The following COQ2 variants were observed in gnomAD, a reference collection of about 807,000 sequenced individuals.
COQ2 encodes the protein 4-hydroxybenzoate polyprenyltransferase, mitochondrial.
In COQ2, 25 loss-of-function variants were observed where a neutral mutation model predicts 35.7. The observed-to-expected ratio is 0.70, with a 90% CI of 0.51 to 0.98. The LOEUF (loss-of-function observed/expected upper bound fraction) is 0.98. COQ2 is among the 50% of genes least tolerant of loss of function. COQ2 has a pLI of 0.00. For missense variants in COQ2, 488 were observed against 473.5 expected, an observed-to-expected ratio of 1.03 and a Z score of -0.28; for synonymous variants, 206 against 186.2, an observed-to-expected ratio of 1.11 and a Z score of -0.86.
At chr4:83,279,411 T>C (rs563973351) in intron 1 of COQ2, among the ~76,000 whole-genome samples, 7 of 152,210 alleles carry the variant, frequency 4.6e-5, no homozygotes, top group Admixed American at 3.3e-4. Context: ...GAGAAACACA[T>C]ATGAAAACTA....
At position 83,284,637 on chromosome 4, in the gene COQ2, A is replaced by C; in HGVS notation, c.128T>G (p.Leu43Trp). 6.7e-7 allele frequency: 1 copy of C among 1,499,718 alleles called. No homozygotes were observed. Among genetic ancestry groups the C allele is most frequent in the Non-Finnish European group, 8.9e-7 (1 of 1,127,122 alleles). 92.9% of individuals were successfully genotyped at this position (1,499,718 alleles called of 1,614,324 possible). The change falls in exon 1 of 7, where the codon TTG becomes TGG. Residue 43 changes from leucine to tryptophan, a missense_variant. Physicochemically the swap from Leu to Trp is moderately conservative, Grantham distance 61 (BLOSUM62 -2). Transcript: ENST00000647002. ...CGGCTCGGGACAGGCGGGGGGCTGC[A>C]AGTCACCACCGTGGGGCGCGCCTGC... ...RAAGAPHGGD[L>W]QPPACPEPRG...
In COQ2 at chr4:83,270,011, C is replaced by T; in HGVS notation, c.629-18G>A. ...TGTCAAGCCTACAATTAGCAAAACA[C>T]AAAAAGGGGGAAAGTCTGTATGTAC... On this transcript the variant is annotated intron_variant, in intron 4 of 6. Coordinates refer to ENST00000647002, the MANE Select transcript of COQ2 (RefSeq NM_001358921.2). The T allele has an allele frequency of 6.2e-7, 1 of 1,610,638 alleles. No individual in the cohort carries two copies. Among genetic ancestry groups the T allele is most frequent in the Non-Finnish European group, 8.5e-7 (1 of 1,178,862 alleles).
intron 6 of COQ2, among the ~76,000 whole-genome samples, chr4:83,264,973 C>T (rs918400243): frequency 2.0e-5 from 3 of 152,196 alleles, no homozygotes; most frequent in Admixed American, 6.5e-5. Context: ...TATAGTCACC[C>T]CTCCTAGTTT....
At chr4:83,271,400 C>T (rs1735044434) in intron 4 of COQ2, among the ~76,000 whole-genome samples, 1 of 152,206 alleles carries the variant, frequency 6.6e-6, no homozygotes, top group Non-Finnish European at 1.5e-5. Flanking sequence ...TAAGCTATCA[C>T]ATACACTTTA....
At chr4:83,267,938 C>T (rs1009910748) in intron 5 of COQ2, among the ~76,000 whole-genome samples, 164 bp from the exon 6 acceptor site, 2 of 152,122 alleles carry the variant, frequency 1.3e-5, no homozygotes, top group Non-Finnish European at 2.9e-5. Flanking sequence ...AAAGAACATG[C>T]AGATATACCA....
At position 83,273,517 on chromosome 4, in the gene COQ2, A is replaced by C. The variant is rs1735096689; in HGVS notation, c.521T>G (p.Leu174Arg). Reference protein sequence around the residue: ...GGQLTLALGVLLCLNYYSIAL... With the variant: ...GGQLTLALGVRLCLNYYSIAL... ...ATACCTGTAGTAATTTAGACACAGA[A>C]GAACACCCAGTGCCAGGGTTAGCTG... is the stretch of plus-strand genomic sequence containing the variant. The change falls in exon 3 of 7, where the codon CTT (leucine) becomes CGT (arginine). Residue 174 changes from leucine to arginine, a missense_variant. Coordinates refer to ENST00000647002, the MANE Select transcript of COQ2 (RefSeq NM_001358921.2). 1.2e-6 allele frequency: 2 copies of C among 1,613,784 alleles called. No individual in the cohort carries two copies. Among genetic ancestry groups the C allele is most frequent in the Non-Finnish European group, 1.7e-6 (2 of 1,179,744 alleles).
chr4:83,277,976 ACACACAC>A (rs765259756), intron 2 of COQ2, among the ~76,000 whole-genome samples: 1 of 190 alleles, frequency 5.3e-3, no homozygotes, highest in Non-Finnish European at 0.014. Flanking sequence ...ATCTCAAAAC[ACACACAC>A]ACACACACAC....
chr4:83,266,838 T>TGTCTTATCTGTCCTTGGTCTTTATGCCA (rs1321900601), intron 6 of COQ2: 1 of 211,120 alleles, frequency 4.7e-6, no homozygotes, highest in Non-Finnish European at 9.8e-6. Context: ...CCGCATTTCA[T>TGTCTTATCTGTCCTTGGTCTTTATGCCA]GTCTTATCTG....
chr4:83,269,859 C>G lies in COQ2; in HGVS notation c.762+1G>C. 6.4e-7 allele frequency: 1 copy of G among 1,562,566 alleles called. No individual in the cohort carries two copies. The highest frequency in any genetic ancestry group is 8.6e-7 in the Non-Finnish European group (1 of 1,157,378). On this transcript the variant is annotated splice_donor_variant, in intron 5 of 6. Transcript: ENST00000647002. LOFTEE classifies it high-confidence loss of function. ...AAGTTAAGAAAAGATAATTTCTTTA[C>G]CTGATGGGCATAAATAGTATCATAT...
chr4:83,274,580 C>T (rs574327563), intron 2 of COQ2, among the ~76,000 whole-genome samples: 265 of 152,156 alleles, frequency 1.7e-3, no homozygotes, highest in African/African-American at 6.1e-3. Flanking sequence ...TTGTGCTTTT[C>T]GTATTTCTCA....
chr4:83,267,801 T>C lies in COQ2; in HGVS notation c.763-27A>G, dbSNP rs556748582. The C allele has an allele frequency of 2.7e-6, 4 of 1,506,594 alleles. No individual in the cohort carries two copies. The Admixed American group carries it at 6.7e-5, about 25-fold the overall frequency. 93.3% of individuals were successfully genotyped at this position (1,506,594 alleles called of 1,614,324 possible). A position where few individuals can be genotyped will look rare whatever the true frequency, so the allele number is the denominator to read the frequency against. On this transcript the variant is annotated intron_variant, in intron 5 of 6. Coordinates refer to ENST00000647002, the MANE Select transcript of COQ2 (RefSeq NM_001358921.2). The stretch of plus-strand genomic sequence containing the variant: ...TAATATCAGAAAGAAAAATAAACTG[T>C]TTTTTGAGATTTAGTTCACACACCA...
intron 4 of COQ2, 54 bp from the exon 5 acceptor site, chr4:83,270,047 T>C (rs1302227860): frequency 1.9e-6 from 3 of 1,588,466 alleles, no homozygotes; most frequent in Non-Finnish European, 2.6e-6. Context: ...TTTAGAATCC[T>C]AAAGGGAAGG....
At chr4:83,284,360 C>A in intron 1 of COQ2, 152 bp downstream of exon 1, 3 of 985,216 alleles carry the variant, frequency 3.0e-6, no homozygotes, top group South Asian at 9.4e-5. Context: ...CGAGGTGATT[C>A]GCCCCAGGGC....
At chr4:83,269,029 G>GA (rs1251089016) in intron 5 of COQ2, among the ~76,000 whole-genome samples, 1 of 151,378 alleles carries the variant, frequency 6.6e-6, no homozygotes. Flanking sequence ...AAATGTAAAA[G>GA]AAAAAAATGA....
In COQ2 at chr4:83,284,538, C is replaced by G. The variant is rs863223935; in HGVS notation, c.227G>C (p.Arg76Pro). Residue 76 changes from arginine (R) to proline (P), a missense_variant, in exon 1 of 7, where the codon CGC becomes CCC. Transcript: ENST00000647002. ...SAPRPLQPYLRLMRLDKPIGT... is the reference protein window; with the variant it reads ...SAPRPLQPYLPLMRLDKPIGT... ...AATGGGCTTGTCCAACCGCATGAGG[C>G]GCAAGTACGGCTGCAGGGGGCGGGG... is the stretch of plus-strand genomic sequence containing the variant. The G allele has an allele frequency of 1.9e-6, 3 of 1,575,730 alleles. No individual in the cohort carries two copies. Among genetic ancestry groups the G allele is most frequent in the Non-Finnish European group, 2.6e-6 (3 of 1,162,558 alleles).
chr4:83,284,601 T>A lies in COQ2; in HGVS notation c.164A>T (p.Gln55Leu). The A allele has an allele frequency of 2.6e-6, 4 of 1,537,112 alleles. No homozygotes were observed. Among genetic ancestry groups the A allele is most frequent in the Non-Finnish European group, 3.5e-6 (4 of 1,142,802 alleles). ...PPACPEPRGR[Q>L]LSLSAAAVVD... The stretch of plus-strand genomic sequence containing the variant: ...CACCGCCGCCGCGGACAAACTGAGC[T>A]GGCGCCCGCGCGGCTCGGGACAGGC... The change falls in exon 1 of 7, where the codon CAG becomes CTG. Residue 55 changes from glutamine (Q) to leucine (L), a missense_variant. Gln to Leu is a moderately radical substitution (Grantham distance 113). Coordinates refer to ENST00000647002, the MANE Select transcript of COQ2 (RefSeq NM_001358921.2).
intron 1 of COQ2, chr4:83,283,472 C>T (rs1049791040): frequency 1.3e-4 from 126 of 985,332 alleles, no homozygotes; most frequent in Admixed American, 7.4e-4. Context: ...AAAAGTACTT[C>T]CCGCACTAAG....
intron 6 of COQ2, chr4:83,266,609 C>G (rs1734925892): frequency 6.6e-6 from 1 of 152,514 alleles, no homozygotes; most frequent in African/African-American, 2.4e-5. Context: ...ACCATGAATA[C>G]CTTTTTGATT....
chr4:83,274,443 C>A (rs1735118911), intron 2 of COQ2, among the ~76,000 whole-genome samples: 1 of 152,176 alleles, frequency 6.6e-6, no homozygotes. Flanking sequence ...GATCCACCTG[C>A]CTTGGCTTCC....
Sources: gnomAD v4.1 joint callset for allele counts (sites outside exome capture counted in the v4.1 genomes callset) on GRCh38, gnomAD v4.1.1 for gene constraint, MANE v1.5 for transcripts, NCBI Gene and HGNC (gene_info 2026-07-23, HGNC 2026-07-21) for gene names.